Variants in CSGALNACT1 observed in about 807,000 individuals in gnomAD.
CSGALNACT1 encodes the protein chondroitin sulfate N-acetylgalactosaminyltransferase 1.
CSGALNACT1 carries 52 observed loss-of-function variants against 51.0 expected under a neutral mutation model. The ratio of observed to expected loss-of-function variants is 1.02; its 90% CI spans 0.82 to 1.29. The LOEUF is 1.29. Ranked by LOEUF, CSGALNACT1 falls within the 50% of genes most tolerant of loss-of-function variation. CSGALNACT1 has a pLI of 0.00. For synonymous variants in CSGALNACT1, 341 were observed against 254.4 expected (o/e 1.34, Z -3.24); for missense variants, 935 against 679.2 (o/e 1.38, Z -4.19).
intron 2 of CSGALNACT1, among the ~76,000 whole-genome samples, chr8:19,594,697 C>T (rs1488098661): frequency 6.6e-6 from 1 of 151,972 alleles, no homozygotes; most frequent in Non-Finnish European, 1.5e-5. Flanking sequence ...GTACACGCCA[C>T]CAGGCCTGGC....
intron 8 of CSGALNACT1, among the ~76,000 whole-genome samples, chr8:19,417,288 T>C (rs2057077635): frequency 6.6e-6 from 1 of 152,178 alleles, no homozygotes; most frequent in East Asian, 1.9e-4. Context: ...AGAACTGTAT[T>C]ATTAGTAAAC....
At chr8:19,667,064 AAAG>A (rs2059425977) in intron 1 of CSGALNACT1, among the ~76,000 whole-genome samples, 1 of 124,464 alleles carries the variant, frequency 8.0e-6, no homozygotes, top group African/African-American at 2.9e-5. Context: ...AGAAAGAAAG[AAAG>A]AAAGAAAGAA....
At chr8:19,440,099 T>C (rs983909603) in intron 5 of CSGALNACT1, among the ~76,000 whole-genome samples, 168 bp from the exon 5 acceptor site, 1 of 152,216 alleles carries the variant, frequency 6.6e-6, no homozygotes, top group African/African-American at 2.4e-5. Flanking sequence ...ATTCCAACTA[T>C]CTGTATTTGT....
At chr8:19,675,628 G>T (rs1197731354) in intron 1 of CSGALNACT1, among the ~76,000 whole-genome samples, 1 of 152,092 alleles carries the variant, frequency 6.6e-6, no homozygotes, top group African/African-American at 2.4e-5. Flanking sequence ...GAGTAGCTGG[G>T]ATTACAGGCA....
intron 1 of CSGALNACT1, among the ~76,000 whole-genome samples, chr8:19,646,200 C>A (rs1043201471): frequency 6.6e-6 from 1 of 152,016 alleles, no homozygotes; most frequent in Non-Finnish European, 1.5e-5. Flanking sequence ...ACTAGAAATA[C>A]AAGATAAGTG....
At chr8:19,580,479 A>G (rs1041006910) in intron 3 of CSGALNACT1, among the ~76,000 whole-genome samples, 1 of 152,218 alleles carries the variant, frequency 6.6e-6, no homozygotes, top group African/African-American at 2.4e-5. Flanking sequence ...AAATGAAAAC[A>G]GACTAACTTG....
At chr8:19,506,170 C>T in intron 3 of CSGALNACT1, 40 bp from the exon 3 acceptor site, 1 of 525,432 alleles carries the variant, frequency 1.9e-6, no homozygotes, top group South Asian at 1.6e-5. Context: ...TTAATCAAGA[C>T]AACGACTCCC....
At chr8:19,584,503 T>C (rs1044269604) in intron 3 of CSGALNACT1, among the ~76,000 whole-genome samples, 1 of 152,254 alleles carries the variant, frequency 6.6e-6, no homozygotes, top group South Asian at 2.1e-4. Context: ...AGCTTTGTAT[T>C]ACATGGTGAT....
chr8:19,519,053 G>A (rs1454743087), intron 3 of CSGALNACT1, among the ~76,000 whole-genome samples: 1 of 152,176 alleles, frequency 6.6e-6, no homozygotes. Flanking sequence ...CCAGGTACCA[G>A]CTGATGGTTT....
intron 5 of CSGALNACT1, among the ~76,000 whole-genome samples, chr8:19,452,701 G>A (rs1489389362): frequency 6.6e-6 from 1 of 152,010 alleles, no homozygotes; most frequent in Non-Finnish European, 1.5e-5. Context: ...TCTTTGTGAT[G>A]TCCCAGGCCT....
chr8:19,696,140 T>C (rs2061571325), intron 1 of CSGALNACT1, among the ~76,000 whole-genome samples: 1 of 152,172 alleles, frequency 6.6e-6, no homozygotes, highest in African/African-American at 2.4e-5. Flanking sequence ...ATTCTGCCTT[T>C]CTCCAGGACA....
At chr8:19,494,026 G>A (rs779358898) in intron 4 of CSGALNACT1, among the ~76,000 whole-genome samples, 11 of 152,138 alleles carry the variant, frequency 7.2e-5, no homozygotes, top group Non-Finnish European at 1.5e-4. Context: ...GAGTGACCCA[G>A]CTAGAAAACA....
intron 6 of CSGALNACT1, among the ~76,000 whole-genome samples, chr8:19,422,175 T>C (rs1315970791): frequency 6.6e-6 from 1 of 152,186 alleles, no homozygotes; most frequent in Non-Finnish European, 1.5e-5. Flanking sequence ...ATGTACATTA[T>C]ATATACTTGT....
intron 4 of CSGALNACT1, among the ~76,000 whole-genome samples, chr8:19,473,705 G>A (rs749814104): frequency 6.6e-6 from 1 of 152,206 alleles, no homozygotes; most frequent in South Asian, 2.1e-4. Flanking sequence ...CATTGGTTTT[G>A]TTGGAATGAC....
At chr8:19,456,529 T>C (rs1004130200) in intron 5 of CSGALNACT1, among the ~76,000 whole-genome samples, 7 of 152,212 alleles carry the variant, frequency 4.6e-5, no homozygotes, top group African/African-American at 1.7e-4. Flanking sequence ...GCAGGTTCAG[T>C]CATTCTGGAG....
intron 3 of CSGALNACT1, among the ~76,000 whole-genome samples, chr8:19,557,345 G>A (rs4922061): frequency 0.18 from 27,499 of 152,062 alleles, 2,947 homozygotes; most frequent in African/African-American, 0.3. Flanking sequence ...ACTATTATAT[G>A]GCAGCAGAGG....
chr8:19,494,523 T>C (rs1485793216), intron 4 of CSGALNACT1, among the ~76,000 whole-genome samples: 1 of 152,204 alleles, frequency 6.6e-6, no homozygotes, highest in Non-Finnish European at 1.5e-5. Context: ...GCAGGGACTA[T>C]ATTGTCTAAC....
chr8:19,756,157 A>T (rs1489732847), intron 1 of CSGALNACT1, among the ~76,000 whole-genome samples: 1 of 152,180 alleles, frequency 6.6e-6, no homozygotes, highest in Non-Finnish European at 1.5e-5. Flanking sequence ...AGTAACACCA[A>T]GGTAATTTGA....
At chr8:19,523,568 G>A (rs534475994) in intron 3 of CSGALNACT1, among the ~76,000 whole-genome samples, 1 of 152,174 alleles carries the variant, frequency 6.6e-6, no homozygotes, top group Non-Finnish European at 1.5e-5. Context: ...CCACGCCCAG[G>A]CTACATGGTA....
Sources: gnomAD v4.1 joint callset for allele counts (sites outside exome capture counted in the v4.1 genomes callset) on GRCh38, gnomAD v4.1.1 for gene constraint, MANE v1.5 for transcripts, NCBI Gene and HGNC (gene_info 2026-07-23, HGNC 2026-07-21) for gene names.